Variants in CAPN8 observed in about 807,000 individuals in gnomAD.
The protein encoded by CAPN8 is calpain-8.
CAPN8 carries 87 observed loss-of-function variants against 80.9 expected under a neutral mutation model. The observed-to-expected ratio is 1.07, with a 90% CI of 0.90 to 1.28. The LOEUF (loss-of-function observed/expected upper bound fraction) is 1.28, where lower values mean the gene tolerates loss of function less well. Among genes scored for constraint, CAPN8 ranks in the 50% most tolerant of loss-of-function variants. The pLI is 0.00. For missense variants in CAPN8, 757 were observed against 702.0 expected (o/e 1.08, Z -0.89); for synonymous variants, 299 against 273.8 (o/e 1.09, Z -0.91).
At chr1:223,629,758 T>C (rs759039152) in intron 2 of CAPN8, among the ~76,000 whole-genome samples, 1 of 152,236 alleles carries the variant, frequency 6.6e-6, no homozygotes, top group Non-Finnish European at 1.5e-5. Context: ...TATTGCATCT[T>C]TCTGGCCTGG....
chr1:223,626,471 G>A (rs1657581427), intron 5 of CAPN8, among the ~76,000 whole-genome samples: 1 of 152,194 alleles, frequency 6.6e-6, no homozygotes, highest in Non-Finnish European at 1.5e-5. Flanking sequence ...GCCCGAGGTG[G>A]TGACAGGACC....
chr1:223,635,552 ACTG>A (rs1394425558), intron 2 of CAPN8, among the ~76,000 whole-genome samples: 21 of 152,200 alleles, frequency 1.4e-4, no homozygotes, highest in African/African-American at 3.9e-4. Context: ...TAAAATTCTT[ACTG>A]ACTGAATTCA....
At chr1:223,544,253 G>A in intron 18 of CAPN8, 70 bp from the exon 19 acceptor site, 4 of 695,238 alleles carry the variant, frequency 5.8e-6, no homozygotes, top group East Asian at 2.7e-5. Context: ...AAACACTCAA[G>A]GAGCTGACAT....
At chr1:223,557,005 G>C (rs1018137328) in intron 13 of CAPN8, among the ~76,000 whole-genome samples, 564 of 152,270 alleles carry the variant, frequency 3.7e-3, no homozygotes, top group Middle Eastern at 6.8e-3. Context: ...AGGGCCTCTG[G>C]CGCCAGGTAT....
At chr1:223,645,564 G>T (rs1472919482) in intron 2 of CAPN8, among the ~76,000 whole-genome samples, 1 of 152,170 alleles carries the variant, frequency 6.6e-6, no homozygotes, top group Non-Finnish European at 1.5e-5. Context: ...GGGGGTGGGG[G>T]GACCACTCCA....
intron 10 of CAPN8, chr1:223,615,706 G>C: frequency 1.7e-6 from 1 of 579,452 alleles, no homozygotes; most frequent in Non-Finnish European, 3.3e-6. Flanking sequence ...ATGAACACAT[G>C]TACACTGAGC....
chr1:223,644,598 G>C (rs1287490125), intron 2 of CAPN8, among the ~76,000 whole-genome samples: 1 of 152,208 alleles, frequency 6.6e-6, no homozygotes, highest in East Asian at 1.9e-4. Flanking sequence ...GCATGTGACA[G>C]GTGGTGGTAA....
intron 15 of CAPN8, 112 bp from the exon 16 acceptor site, chr1:223,549,494 C>G: frequency 6.7e-7 from 1 of 1,503,654 alleles, no homozygotes; most frequent in East Asian, 2.5e-5. Flanking sequence ...TGGAACCGAA[C>G]TTGGTCTCTG....
chr1:223,616,166 G>A, intron 9 of CAPN8, 21 bp from the exon 10 acceptor site: 1 of 1,539,732 alleles, frequency 6.5e-7, no homozygotes, highest in Non-Finnish European at 8.8e-7. Context: ...CCCAGGTGAT[G>A]GTGGTTCCCC....
chr1:223,642,573 G>C, intron 2 of CAPN8: 1 of 322,922 alleles, frequency 3.1e-6, no homozygotes, highest in Non-Finnish European at 6.1e-6. Context: ...GGGGGTCTTC[G>C]GCTTCCAGGA....
Position 223,620,241 on chromosome 1 carries a change from G to A in CAPN8, c.925C>T (p.Pro309Ser). The change falls in exon 8 of 21, where the codon CCC (proline) becomes TCC (serine). Residue 309 changes from proline to serine, a missense_variant. By Grantham distance (74) the Pro-to-Ser change is moderately conservative. Coordinates refer to ENST00000366872, the MANE Select transcript of CAPN8 (RefSeq NM_001143962.2). ...TTGTCCAGTTCTTCCTTCCGCCGGG[G>A]GTCTATGTGATTCCACTCTGGTGCA... ...DDAPEWNHID[P>S]RRKEELDKKV... The A allele has an allele frequency of 3.2e-6, 5 of 1,551,584 alleles. No individual in the cohort carries two copies. The highest frequency in any genetic ancestry group is 4.4e-6 in the Non-Finnish European group (5 of 1,146,954).
intron 7 of CAPN8, among the ~76,000 whole-genome samples, chr1:223,621,726 T>C (rs1399001352): frequency 6.6e-6 from 1 of 152,082 alleles, no homozygotes; most frequent in East Asian, 1.9e-4. Flanking sequence ...TGATTAAACT[T>C]GGCGATGTCC....
Position 223,619,381 on chromosome 1 carries a change from A to T in CAPN8, c.1047T>A (p.Ser349Arg), listed in dbSNP as rs1293742318. 1 of 1,551,668 alleles carries T rather than the reference A, an allele frequency of 6.4e-7. No homozygotes were observed. Among genetic ancestry groups the T allele is most frequent in the Non-Finnish European group, 8.7e-7 (1 of 1,146,994 alleles). ...EICNLSPDSLSSEEVHKWNLV... is the reference protein window; with the variant it reads ...EICNLSPDSLRSEEVHKWNLV... ...GGTTCCATTTGTGCACCTCCTCGCT[A>T]CTCAGAGAGTCCGGGGACAGGTTGC... The change falls in exon 9 of 21, where the codon AGT (serine) becomes AGA (arginine). Residue 349 changes from serine (S) to arginine (R), a missense_variant. Ser to Arg is a moderately radical substitution (Grantham distance 110). Coordinates refer to ENST00000366872, the MANE Select transcript of CAPN8 (RefSeq NM_001143962.2).
chr1:223,549,637 A>G (rs1185812989), intron 15 of CAPN8: 1 of 622,648 alleles, frequency 1.6e-6, no homozygotes. Flanking sequence ...CCCACAAGCC[A>G]CAGACTTCAG....
At chr1:223,555,823 G>A (rs936674058) in intron 13 of CAPN8, among the ~76,000 whole-genome samples, 1 of 152,106 alleles carries the variant, frequency 6.6e-6, no homozygotes, top group Non-Finnish European at 1.5e-5. Flanking sequence ...TTGCAACTGT[G>A]GTACTTCACA....
chr1:223,662,424 G>A (rs1451368971), intron 1 of CAPN8, among the ~76,000 whole-genome samples: 5 of 151,744 alleles, frequency 3.3e-5, no homozygotes, highest in Admixed American at 6.6e-5. Context: ...ACTCCAGCCT[G>A]GGCAACAGAG....
chr1:223,629,847 A>T (rs992421609), intron 2 of CAPN8, among the ~76,000 whole-genome samples: 1 of 152,110 alleles, frequency 6.6e-6, no homozygotes, highest in Admixed American at 6.5e-5. Flanking sequence ...TGTTTCTCCT[A>T]TTCATTCCAT....
At chr1:223,549,418 G>A in intron 15 of CAPN8, 36 bp from the exon 16 acceptor site, 1 of 1,551,222 alleles carries the variant, frequency 6.4e-7, no homozygotes, top group Non-Finnish European at 8.7e-7. Context: ...GTGGGAATCG[G>A]ATCATTTGAA....
At chr1:223,548,573 C>A (rs1474453414) in intron 16 of CAPN8, among the ~76,000 whole-genome samples, 2 of 152,214 alleles carry the variant, frequency 1.3e-5, no homozygotes, top group African/African-American at 4.8e-5. Context: ...GAAACTCCCT[C>A]ACCCCATCTA....
Sources: gnomAD v4.1 joint callset for allele counts (sites outside exome capture counted in the v4.1 genomes callset) on GRCh38, gnomAD v4.1.1 for gene constraint, MANE v1.5 for transcripts, NCBI Gene and HGNC (gene_info 2026-07-23, HGNC 2026-07-21) for gene names.